Variants in NKAIN2 observed in about 807,000 individuals in gnomAD.
The protein encoded by NKAIN2 is sodium/potassium-transporting ATPase subunit beta-1-interacting protein 2.
Under a neutral mutation model 32.6 loss-of-function variants are expected in NKAIN2, and 14 were observed. The ratio of observed to expected loss-of-function variants is 0.43; its 90% CI spans 0.28 to 0.67. The LOEUF is 0.67. Ranked by LOEUF, NKAIN2 falls within the 30% of genes least tolerant of loss-of-function variation. NKAIN2 has a pLI of 0.17. For synonymous variants in NKAIN2, 80 were observed against 87.2 expected, an observed-to-expected ratio of 0.92 and a Z score of 0.46; for missense variants, 198 against 258.3, an observed-to-expected ratio of 0.77 and a Z score of 1.60.
chr6:123,893,061 G>A (rs778158753), intron 1 of NKAIN2, among the ~76,000 whole-genome samples: 20 of 151,862 alleles, frequency 1.3e-4, no homozygotes, highest in Non-Finnish European at 2.6e-4. Flanking sequence ...TCAAATAATT[G>A]TTATATAAAA....
intron 1 of NKAIN2, among the ~76,000 whole-genome samples, chr6:124,124,361 CA>C (rs1377317304): frequency 1.3e-5 from 1 of 76,836 alleles, no homozygotes; most frequent in Non-Finnish European, 2.5e-5. Flanking sequence ...ATTGCTCTTC[CA>C]GTTAAACACA....
intron 1 of NKAIN2, among the ~76,000 whole-genome samples, chr6:124,077,762 A>T (rs962390027): frequency 2.0e-5 from 3 of 147,852 alleles, no homozygotes; most frequent in Non-Finnish European, 4.5e-5. Context: ...ACACCCAGCT[A>T]TTTTTTTTTT....
chr6:124,742,044 T>C (rs1192343347), intron 4 of NKAIN2, among the ~76,000 whole-genome samples: 2 of 151,836 alleles, frequency 1.3e-5, no homozygotes, highest in Non-Finnish European at 2.9e-5. Context: ...ATCAACTCTA[T>C]GTTTCTCATA....
rs374721098 is a variant in NKAIN2, at chr6:124,492,274, A to C, written c.273+136927A>C. Among the ~76,000 whole-genome samples, 5 of 152,128 alleles carry C rather than the reference A, an allele frequency of 3.3e-5. No homozygotes were observed. In the East Asian group the frequency reaches 9.7e-4, roughly 29 times the overall value. On this transcript the variant is annotated intron_variant, in intron 3 of 6. Transcript: ENST00000368417. ...TCTAAATATAGAAAATTTTGTGTTG[A>C]TACTTGGCATATGCCTATTGAAAAC...
intron 1 of NKAIN2, among the ~76,000 whole-genome samples, chr6:123,838,680 A>T (rs1013922440): frequency 5.9e-5 from 9 of 152,110 alleles, no homozygotes; most frequent in African/African-American, 2.2e-4. Flanking sequence ...AGTAAACACA[A>T]CTCTTGGAGG....
chr6:124,072,294 A>G (rs1783499293), intron 1 of NKAIN2, among the ~76,000 whole-genome samples: 1 of 152,108 alleles, frequency 6.6e-6, no homozygotes, highest in African/African-American at 2.4e-5. Flanking sequence ...ATGGACATAA[A>G]GATGGGGACT....
At chr6:124,200,842 C>G (rs192256117) in intron 1 of NKAIN2, among the ~76,000 whole-genome samples, 1 of 152,022 alleles carries the variant, frequency 6.6e-6, no homozygotes, top group African/African-American at 2.4e-5. Context: ...TATAAATGTG[C>G]GGTTTGTATA....
chr6:124,034,135 A>G (rs564099397), intron 1 of NKAIN2, among the ~76,000 whole-genome samples: 1 of 151,650 alleles, frequency 6.6e-6, no homozygotes, highest in East Asian at 1.9e-4. Flanking sequence ...ATTTTTCTTT[A>G]TTTTCATTTT....
chr6:123,948,396 G>A (rs553719003), intron 1 of NKAIN2, among the ~76,000 whole-genome samples: 1 of 151,756 alleles, frequency 6.6e-6, no homozygotes, highest in South Asian at 2.1e-4. Flanking sequence ...ATGGAAATTA[G>A]TGGATTTCTC....
At chr6:124,421,808 T>C (rs971595820) in intron 3 of NKAIN2, among the ~76,000 whole-genome samples, 12 of 152,136 alleles carry the variant, frequency 7.9e-5, no homozygotes. Context: ...CAGAGATGAG[T>C]GTTCTCCTCT....
At chr6:124,584,725 A>G (rs117082100) in intron 3 of NKAIN2, among the ~76,000 whole-genome samples, 1,782 of 152,234 alleles carry the variant, frequency 0.012, 12 homozygotes, top group Middle Eastern at 0.024. Flanking sequence ...ATCACTGATC[A>G]TCAGAGAAAT....
chr6:124,679,324 A>AT (rs1198821475), intron 4 of NKAIN2, among the ~76,000 whole-genome samples: 2 of 152,082 alleles, frequency 1.3e-5, no homozygotes, highest in Non-Finnish European at 2.9e-5. Flanking sequence ...TGACGCTCAA[A>AT]TTGGTGCCCT....
rs377564501 is a variant in NKAIN2 at position 124,353,612 on chromosome 6, G to A, written c.193-1655G>A. Among the ~76,000 whole-genome samples the A allele has an allele frequency of 1.7e-4, 26 of 152,152 alleles. No individual in the cohort carries two copies. In the East Asian group the frequency reaches 4.9e-3, roughly 28 times the overall value. On this transcript the variant is annotated intron_variant, in intron 2 of 6. Coordinates refer to ENST00000368417, the MANE Select transcript of NKAIN2 (RefSeq NM_001040214.3). ...TACTAAAAATACAAAAAAATTAGCC[G>A]GGCATAGTGGCAGGCGCCTGTAGTC...
In NKAIN2 at chr6:124,730,327, A is replaced by C. The variant is rs1251090669; in HGVS notation, c.475-61012A>C. Among the ~76,000 whole-genome samples the C allele has an allele frequency of 4.6e-5, 5 of 108,874 alleles. No individual in the cohort carries two copies. The East Asian group carries it at 1.4e-3, about 31-fold the overall frequency. The allele number at this position is 108,874 out of a possible 152,430, so 71.4% of individuals were successfully genotyped here. On this transcript the variant is annotated intron_variant, in intron 4 of 6. Transcript: ENST00000368417. Reference sequence around the variant, plus strand: ...TCAAACTATACTACAAGGCTACAGTAACCAAAACAGCATGGTACTGATACC... The same window carrying C: ...TCAAACTATACTACAAGGCTACAGTCACCAAAACAGCATGGTACTGATACC...
At chr6:123,918,872 G>A (rs1775615892) in intron 1 of NKAIN2, among the ~76,000 whole-genome samples, 1 of 152,090 alleles carries the variant, frequency 6.6e-6, no homozygotes, top group South Asian at 2.1e-4. Flanking sequence ...CACAAACCGT[G>A]TTTACTTCTA....
At chr6:123,837,305 A>G (rs1474023157) in intron 1 of NKAIN2, among the ~76,000 whole-genome samples, 1 of 152,002 alleles carries the variant, frequency 6.6e-6, no homozygotes, top group African/African-American at 2.4e-5. Context: ...GTCAAATAGG[A>G]TTTCCAATTA....
intron 3 of NKAIN2, among the ~76,000 whole-genome samples, chr6:124,448,933 TCTC>T (rs1775996693): frequency 1.3e-5 from 2 of 152,128 alleles, no homozygotes; most frequent in African/African-American, 2.4e-5. Context: ...GGTCAAGCCT[TCTC>T]CTTCTATGTA....
chr6:124,092,781 C>T (rs1784490068), intron 1 of NKAIN2, among the ~76,000 whole-genome samples: 1 of 151,842 alleles, frequency 6.6e-6, no homozygotes, highest in Non-Finnish European at 1.5e-5. Context: ...CTTGGCTTAC[C>T]AGAGTAAATT....
chr6:124,133,630 A>G (rs970770142), intron 1 of NKAIN2, among the ~76,000 whole-genome samples: 3 of 152,178 alleles, frequency 2.0e-5, no homozygotes, highest in Non-Finnish European at 4.4e-5. Context: ...ATACACCACA[A>G]GAGAACAAGA....
Sources: gnomAD v4.1 joint callset for allele counts (sites outside exome capture counted in the v4.1 genomes callset) on GRCh38, gnomAD v4.1.1 for gene constraint, MANE v1.5 for transcripts, NCBI Gene and HGNC (gene_info 2026-07-23, HGNC 2026-07-21) for gene names.